The following CLIP2 variants were observed in gnomAD, a reference collection of about 807,000 sequenced individuals.
CLIP2 encodes the protein CAP-Gly domain-containing linker protein 2.
A neutral mutation model predicts 111.7 loss-of-function variants in CLIP2; 41 were observed. The observed-to-expected ratio is 0.37, with a 90% CI of 0.29 to 0.48. The LOEUF is 0.48. Ranked by LOEUF, CLIP2 falls within the 20% of genes least tolerant of loss-of-function variation. The pLI is 0.99. For synonymous variants in CLIP2, 660 were observed against 644.2 expected (o/e 1.02, Z -0.37); for missense variants, 1,160 against 1,422.1 (o/e 0.82, Z 2.96).
chr7:74,299,633 C>A (rs1788270248), intron 1 of CLIP2, among the ~76,000 whole-genome samples: 1 of 152,186 alleles, frequency 6.6e-6, no homozygotes, highest in Non-Finnish European at 1.5e-5. Flanking sequence ...TCTTCCCCAG[C>A]CCTTGCCTGC....
At chr7:74,321,913 C>T (rs1788965722) in intron 2 of CLIP2, among the ~76,000 whole-genome samples, 1 of 151,584 alleles carries the variant, frequency 6.6e-6, no homozygotes, top group African/African-American at 2.4e-5. Flanking sequence ...AAACTCCATT[C>T]GTGTTAAGTG....
chr7:74,317,459 C>G (rs782221366), intron 1 of CLIP2, 21 bp from the exon 2 acceptor site: 22 of 1,309,290 alleles, frequency 1.7e-5, no homozygotes, highest in East Asian at 2.8e-5. Context: ...ATGATGTGAT[C>G]TCTCCTGTCT....
intron 4 of CLIP2, among the ~76,000 whole-genome samples, chr7:74,356,162 A>G (rs1360406122): frequency 2.0e-5 from 3 of 152,164 alleles, no homozygotes; most frequent in Non-Finnish European, 2.9e-5. Context: ...ATTATTTCCT[A>G]CTTCCAAGAG....
intron 2 of CLIP2, among the ~76,000 whole-genome samples, chr7:74,334,602 T>C (rs1311771628): frequency 6.6e-6 from 1 of 152,022 alleles, no homozygotes; most frequent in Non-Finnish European, 1.5e-5. Context: ...GTCACAGAGC[T>C]CTCTCTGCAT....
chr7:74,319,556 C>T (rs1554729702), intron 2 of CLIP2, among the ~76,000 whole-genome samples: 2 of 151,780 alleles, frequency 1.3e-5, no homozygotes, highest in South Asian at 2.1e-4. Flanking sequence ...TGGTGGCTCA[C>T]GCCTGTAATC....
intron 1 of CLIP2, among the ~76,000 whole-genome samples, chr7:74,293,900 G>T (rs754445740): frequency 1.3e-5 from 2 of 151,912 alleles, no homozygotes; most frequent in African/African-American, 4.8e-5. Context: ...AACCGGCAGC[G>T]TGGGACTCGG....
In CLIP2 at chr7:74,316,095, A is replaced by G. The variant is rs1788764001; in HGVS notation, c.-67-1385A>G. Among the ~76,000 whole-genome samples the G allele has an allele frequency of 3.1e-5, 4 of 129,822 alleles. No homozygotes were observed. In the South Asian group the frequency reaches 9.4e-4, roughly 31 times the overall value. 85.2% of individuals were successfully genotyped at this position (129,822 alleles called of 152,430 possible). ...CCCCTCCCTGTGTCCATGTGTTCTC[A>G]TTGTCCAGCTCCGACTTACAAGTGA... On this transcript the variant is annotated intron_variant, in intron 1 of 16. Coordinates refer to ENST00000223398, the MANE Select transcript of CLIP2 (RefSeq NM_003388.5).
Position 74,335,662 on chromosome 7 carries a change from CCTTCCTTCCTTCCTTG to C in CLIP2, c.122-2774_122-2759del, listed in dbSNP as rs1403429697. ...GCTTATTTTCCTTCCTTCCTTCCTT[CCTTCCTTCCTTCCTTG>C]CTTCCTTCCTTTCTCTTTTTTTCTT... is the stretch of plus-strand genomic sequence containing the variant. On this transcript the variant is annotated intron_variant, in intron 2 of 16. Coordinates refer to ENST00000223398, the MANE Select transcript of CLIP2 (RefSeq NM_003388.5). 2.1e-3 allele frequency among the ~76,000 whole-genome samples: 306 copies of C among 145,436 alleles called. 1 individual carries two copies. The highest frequency in any genetic ancestry group is 4.0e-3 in the African/African-American group (160 of 39,844).
At chr7:74,368,328 C>T (rs781830532) in intron 8 of CLIP2, among the ~76,000 whole-genome samples, 8 of 151,970 alleles carry the variant, frequency 5.3e-5, no homozygotes, top group Admixed American at 1.3e-4. Context: ...CCAGCCTGAC[C>T]AACATAGTGA....
intron 15 of CLIP2, 58 bp from the exon 16 acceptor site, chr7:74,401,447 G>A (rs1417199518): frequency 1.3e-5 from 20 of 1,558,522 alleles, no homozygotes; most frequent in Non-Finnish European, 1.6e-5. Flanking sequence ...CATCTAGTGG[G>A]AAAATCGGGA....
chr7:74,310,389 G>A (rs1181623325), intron 1 of CLIP2, among the ~76,000 whole-genome samples: 1 of 151,148 alleles, frequency 6.6e-6, no homozygotes, highest in African/African-American at 2.4e-5. Context: ...GGGCATGGTA[G>A]CACTCGCCTT....
chr7:74,390,211 AAGAAAGAAAGAAAGGATT>A (rs1791257324), intron 13 of CLIP2, among the ~76,000 whole-genome samples: 1 of 95,732 alleles, frequency 1.0e-5, no homozygotes, highest in Admixed American at 9.7e-5. Flanking sequence ...GAAAGAAAGA[AAGAAAGAAAGAAAGGATT>A]AATGCCTCCC....
Position 74,289,421 on chromosome 7 carries a change from C to T in CLIP2, c.-381C>T, listed in dbSNP as rs1184732865. 1.4e-4 allele frequency: 21 copies of T among 151,034 alleles called. No homozygotes were observed. Among genetic ancestry groups the T allele is most frequent in the Admixed American group, 1.3e-4 (2 of 15,166 alleles). 9.4% of individuals were successfully genotyped at this position (151,034 alleles called of 1,614,324 possible). Reference sequence around the variant, plus strand: ...CTGCGCCGGCCCCTTTTGTTCCCTCCCGGAGCCGGGCCGCTGGCTCCGCTG... The same window carrying T: ...CTGCGCCGGCCCCTTTTGTTCCCTCTCGGAGCCGGGCCGCTGGCTCCGCTG... On this transcript the variant is annotated 5_prime_UTR_variant, in exon 1 of 17. Coordinates refer to ENST00000223398, the MANE Select transcript of CLIP2 (RefSeq NM_003388.5).
At chr7:74,386,646 T>C in intron 12 of CLIP2, 42 bp downstream of exon 12, 1 of 1,510,004 alleles carries the variant, frequency 6.6e-7, no homozygotes, top group Non-Finnish European at 9.0e-7. Flanking sequence ...GGGCTTTCAC[T>C]GGGGCCGTGC....
At chr7:74,316,586 G>C (rs371839999) in intron 1 of CLIP2, among the ~76,000 whole-genome samples, 19 of 149,068 alleles carry the variant, frequency 1.3e-4, no homozygotes, top group Admixed American at 8.9e-4. Flanking sequence ...TTTGAGACAA[G>C]AGTCTCACTC....
Position 74,326,768 on chromosome 7 carries a change from C to G in CLIP2, c.121+9101C>G, listed in dbSNP as rs1675439845. 4.7e-5 allele frequency among the ~76,000 whole-genome samples: 7 copies of G among 147,678 alleles called. No homozygotes were observed. In the South Asian group the frequency reaches 1.5e-3, roughly 32 times the overall value. On this transcript the variant is annotated intron_variant, in intron 2 of 16. Coordinates refer to ENST00000223398, the MANE Select transcript of CLIP2 (RefSeq NM_003388.5). ...TCTCCTGCCTCAGCCTCCCAAGTAG[C>G]TGGGATTACAGGCATGTGCCACCAC... is the stretch of plus-strand genomic sequence containing the variant.
At chr7:74,308,247 G>A (rs67922716) in intron 1 of CLIP2, among the ~76,000 whole-genome samples, 11,482 of 152,198 alleles carry the variant, frequency 0.075, 718 homozygotes, top group African/African-American at 0.17. Context: ...GGTAAGGACT[G>A]CAGGGTCATC....
chr7:74,313,022 GAA>G (rs1287297531), intron 1 of CLIP2, among the ~76,000 whole-genome samples: 1 of 144,382 alleles, frequency 6.9e-6, no homozygotes. Context: ...ATAGGTTTAG[GAA>G]AAAAAAAAAG....
At chr7:74,392,659 T>G (rs936564344) in intron 13 of CLIP2, among the ~76,000 whole-genome samples, 1 of 151,936 alleles carries the variant, frequency 6.6e-6, no homozygotes. Context: ...AAACCCCATA[T>G]CTACTAAAAA....
Sources: gnomAD v4.1 joint callset for allele counts (sites outside exome capture counted in the v4.1 genomes callset) on GRCh38, gnomAD v4.1.1 for gene constraint, MANE v1.5 for transcripts, NCBI Gene and HGNC (gene_info 2026-07-23, HGNC 2026-07-21) for gene names.